Variants in NASP observed in about 807,000 individuals in gnomAD.
NASP encodes NASP histone chaperone.
A neutral mutation model predicts 89.5 loss-of-function variants in NASP; 24 were observed. The ratio of observed to expected loss-of-function variants is 0.27; its 90% confidence interval spans 0.19 to 0.38. The LOEUF is 0.38. Among genes scored for constraint, NASP ranks in the 10% least tolerant of loss-of-function variants. The probability of loss-of-function intolerance (pLI) is 1.00; values close to 1 mark genes in which losing one functional copy is unlikely to be tolerated. For synonymous variants in NASP, 306 were observed against 324.7 expected, an observed-to-expected ratio of 0.94 and a Z score of 0.62; for missense variants, 848 against 921.4, an observed-to-expected ratio of 0.92 and a Z score of 1.03.
intron 1 of NASP, among the ~76,000 whole-genome samples, chr1:45,586,964 C>G (rs981595298): frequency 2.0e-5 from 3 of 152,086 alleles, no homozygotes; most frequent in African/African-American, 7.2e-5. Flanking sequence ...TTCTGGGTAG[C>G]TGGGACTACA....
chr1:45,592,387 A>C (rs1188891067), intron 2 of NASP, among the ~76,000 whole-genome samples: 2 of 152,242 alleles, frequency 1.3e-5, no homozygotes, highest in Non-Finnish European at 2.9e-5. Flanking sequence ...TGTTGGGATT[A>C]CCAGCCTGAT....
At chr1:45,610,308 G>C (rs551028122) in intron 6 of NASP, 1 of 152,088 alleles carries the variant, frequency 6.6e-6, no homozygotes, top group Non-Finnish European at 1.5e-5. Flanking sequence ...ATACTGTTCT[G>C]CTTGTAAAGA....
rs1643933237 is a variant in NASP at position 45,607,743 on chromosome 1, T to G, written c.832T>G (p.Ser278Ala). Residue 278 changes from serine (S) to alanine (A), a missense_variant, in exon 6 of 15, where the codon TCA becomes GCA. Ser to Ala is a moderately conservative substitution (Grantham distance 99). This residue lies in a region of NASP where 464 missense variants were observed against 469.4 expected (regional missense o/e 0.99). Transcript: ENST00000350030. ...VSIEEKPKEVSEEQPVVTLEK... is the reference protein window; with the variant it reads ...VSIEEKPKEVAEEQPVVTLEK... ...CATAGAGGAGAAGCCAAAAGAAGTT[T>G]CAGAAGAGCAGCCTGTGGTGACTCT... 1 of 1,613,890 alleles carries G rather than the reference T, an allele frequency of 6.2e-7. No individual in the cohort carries two copies. Among genetic ancestry groups the G allele is most frequent in the Admixed American group, 1.7e-5 (1 of 59,996 alleles).
At chr1:45,587,687 T>TATATATAA (rs66829841) in intron 1 of NASP, among the ~76,000 whole-genome samples, 4,109 of 78,130 alleles carry the variant, frequency 0.053, 493 homozygotes, top group Middle Eastern at 0.088. Context: ...TATATATATA[T>TATATATAA]AATTAATTTT....
rs1644043042 is a variant in NASP at position 45,613,089 on chromosome 1, T to C, written c.1427-80T>C. On this transcript the variant is annotated intron_variant, in intron 6 of 14. Transcript: ENST00000350030. Reference sequence around the variant, plus strand: ...TGGCCTGTCCTATCTGAATATAGGTTGAGACGTGTATTGGAATCTCTGACT... The same window carrying C: ...TGGCCTGTCCTATCTGAATATAGGTCGAGACGTGTATTGGAATCTCTGACT... 4 of 1,509,158 alleles carry C rather than the reference T, an allele frequency of 2.7e-6. No individual in the cohort carries two copies. In the South Asian group the frequency reaches 5.4e-5, roughly 20 times the overall value. 93.5% of individuals were successfully genotyped at this position (1,509,158 alleles called of 1,614,324 possible).
At chr1:45,592,400 AC>A (rs1403521003) in intron 2 of NASP, among the ~76,000 whole-genome samples, 1 of 152,234 alleles carries the variant, frequency 6.6e-6, no homozygotes, top group Non-Finnish European at 1.5e-5. Context: ...AGCCTGATCT[AC>A]CATGCCCAGC....
chr1:45,586,808 T>C (rs752382997), intron 1 of NASP, among the ~76,000 whole-genome samples: 23 of 152,234 alleles, frequency 1.5e-4, no homozygotes, highest in Non-Finnish European at 2.4e-4. Flanking sequence ...AGAATAAATA[T>C]AACTTCCAAA....
At chr1:45,587,684 A>AT (rs1644575358) in intron 1 of NASP, among the ~76,000 whole-genome samples, 1 of 107,602 alleles carries the variant, frequency 9.3e-6, no homozygotes, top group Non-Finnish European at 1.8e-5. Context: ...ATATATATAT[A>AT]TATAATTAAT....
chr1:45,588,960 T>C (rs201590240), intron 1 of NASP: 3 of 15,318 alleles, frequency 2.0e-4, no homozygotes, highest in Admixed American at 1.2e-3. Context: ...TGGTCAAGTG[T>C]TTGTTTGTTT....
intron 1 of NASP, among the ~76,000 whole-genome samples, chr1:45,586,277 T>TG (rs1286130165): frequency 3.9e-4 from 17 of 44,122 alleles, no homozygotes; most frequent in East Asian, 1.6e-3. Flanking sequence ...TGTGTGTGTG[T>TG]GTGTGTGGTG....
At chr1:45,586,282 GTGGTGTGTGTGT>G (rs1423767115) in intron 1 of NASP, among the ~76,000 whole-genome samples, 19 of 39,830 alleles carry the variant, frequency 4.8e-4, no homozygotes, top group African/African-American at 1.8e-3. Context: ...GTGTGTGTGT[GTGGTGTGTGTGT>G]GTGTGTGTGT....
intron 2 of NASP, among the ~76,000 whole-genome samples, chr1:45,601,911 C>T (rs1643857064): frequency 6.6e-6 from 1 of 151,724 alleles, no homozygotes; most frequent in East Asian, 1.9e-4. Context: ...CGCCACCACG[C>T]CCGGCTAATT....
At chr1:45,601,009 G>C (rs1335118787) in intron 2 of NASP, among the ~76,000 whole-genome samples, 1 of 151,808 alleles carries the variant, frequency 6.6e-6, no homozygotes, top group African/African-American at 2.4e-5. Flanking sequence ...AAAATCTTTC[G>C]CCCCCTTTTT....
intron 14 of NASP, 55 bp downstream of exon 14, chr1:45,617,646 G>T (rs769043434): frequency 2.0e-6 from 3 of 1,519,696 alleles, no homozygotes; most frequent in Non-Finnish European, 2.6e-6. Context: ...CTCAGGACCT[G>T]GGGAAATCAG....
At chr1:45,586,298 T>TGTGTGTGTGTGTGTGTGTGTGTGTG (rs1644547744) in intron 1 of NASP, among the ~76,000 whole-genome samples, 4 of 96,566 alleles carry the variant, frequency 4.1e-5, no homozygotes, top group East Asian at 2.9e-4. Context: ...TGTGTGTGTG[T>TGTGTGTGTGTGTGTGTGTGTGTGTG]GTGTGTGTGT....
rs770927614 is a variant in NASP, at chr1:45,615,178, T to C, written c.1832T>C (p.Ile611Thr). The stretch of plus-strand genomic sequence containing the variant: ...GCAGTGGCACAGTTCAGCAAATCTA[T>C]TGAAGTCATTGAGAACAGAATGGGT... ...DEAVAQFSKSIEVIENRMAVL... is the reference protein window; with the variant it reads ...DEAVAQFSKSTEVIENRMAVL... Residue 611 changes from isoleucine (I) to threonine (T), a missense_variant, in exon 10 of 15, where the codon ATT becomes ACT. Ile to Thr is a moderately conservative substitution (Grantham distance 89). Transcript: ENST00000350030. 26 of 1,614,162 alleles carry C rather than the reference T, an allele frequency of 1.6e-5. No homozygotes were observed. The highest frequency in any genetic ancestry group is 4.4e-5 in the South Asian group (4 of 91,070).
intron 2 of NASP, among the ~76,000 whole-genome samples, chr1:45,597,043 C>T (rs1384353480): frequency 2.0e-5 from 3 of 152,030 alleles, no homozygotes; most frequent in Non-Finnish European, 4.4e-5. Flanking sequence ...GGCATGGTGG[C>T]TCACGCATGT....
intron 2 of NASP, chr1:45,592,785 G>C (rs1478822783): frequency 6.6e-6 from 1 of 152,198 alleles, no homozygotes; most frequent in African/African-American, 2.4e-5. Flanking sequence ...AGAGTGCTGG[G>C]ATTACAGGCG....
chr1:45,608,399 A>G, intron 6 of NASP, 62 bp downstream of exon 6: 1 of 1,511,632 alleles, frequency 6.6e-7, no homozygotes, highest in African/African-American at 1.4e-5. Context: ...CTCACTAATT[A>G]TGGGTAAAAG....
Sources: allele counts gnomAD v4.1 joint callset (sites outside exome capture counted in the v4.1 genomes callset), GRCh38; gene constraint gnomAD v4.1.1; regional missense constraint gnomAD v4.1.1; transcripts MANE v1.5; gene names NCBI Gene and HGNC (gene_info 2026-07-23, HGNC 2026-07-21).